Variants in FGGY observed in about 807,000 individuals in gnomAD.
FGGY encodes the protein FGGY carbohydrate kinase domain containing, also known as FGGY carbohydrate kinase domain-containing protein.
FGGY carries 72 observed loss-of-function variants against 71.3 expected under a neutral mutation model. That is an observed-to-expected ratio of 1.01 (90% CI 0.84 to 1.23). The LOEUF (loss-of-function observed/expected upper bound fraction) is 1.23. Among genes scored for constraint, FGGY ranks in the 50% most tolerant of loss-of-function variants. FGGY has a pLI of 0.00. For missense variants in FGGY, 668 were observed against 682.3 expected, an observed-to-expected ratio of 0.98 and a Z score of 0.23; for synonymous variants, 251 against 250.3, an observed-to-expected ratio of 1.00 and a Z score of -0.02.
At chr1:59,535,093 C>G (rs1351451703) in intron 7 of FGGY, among the ~76,000 whole-genome samples, 5 of 152,148 alleles carry the variant, frequency 3.3e-5, no homozygotes. Context: ...ACCCATCTCA[C>G]CTGCAGAGAC....
chr1:59,710,545 C>G (rs1384826588), intron 14 of FGGY, among the ~76,000 whole-genome samples: 1 of 152,080 alleles, frequency 6.6e-6, no homozygotes, highest in Non-Finnish European at 1.5e-5. Flanking sequence ...TGCAATCTAT[C>G]CATCTGAAAA....
At chr1:59,697,521 T>G in intron 14 of FGGY, 1 of 457,718 alleles carries the variant, frequency 2.2e-6, no homozygotes, top group South Asian at 1.7e-5. Context: ...GTAGCACGTA[T>G]CAGAATTTCC....
chr1:59,362,864 C>A lies in FGGY; in HGVS notation c.466-15885C>A, dbSNP rs1571006562. On this transcript the variant is annotated intron_variant, in intron 4 of 15. Coordinates refer to ENST00000303721, the MANE Select transcript of FGGY (RefSeq NM_018291.5). ...CTAACCTGAGGATAGGAAGTATATTCCTGCCTTTCATCTTCTATGAGCATA... is the reference window on the plus strand; with the variant it reads ...CTAACCTGAGGATAGGAAGTATATTACTGCCTTTCATCTTCTATGAGCATA... Among the ~76,000 whole-genome samples, 4 of 152,310 alleles carry A rather than the reference C, an allele frequency of 2.6e-5. 1 individual carries two copies. The South Asian group carries it at 8.3e-4, about 32-fold the overall frequency.
At chr1:59,627,026 T>A in intron 10 of FGGY, among the ~76,000 whole-genome samples, 1 of 152,086 alleles carries the variant, frequency 6.6e-6, no homozygotes, top group African/African-American at 2.4e-5. Context: ...CTTAGAATTA[T>A]TGTCATGCCT....
At chr1:59,489,084 A>T (rs1036930007) in intron 6 of FGGY, among the ~76,000 whole-genome samples, 9 of 152,112 alleles carry the variant, frequency 5.9e-5, no homozygotes, top group African/African-American at 2.2e-4. Context: ...GGTTATTTTT[A>T]AAAAATAATT....
chr1:59,621,018 T>C (rs2096801262), intron 9 of FGGY, among the ~76,000 whole-genome samples: 1 of 152,134 alleles, frequency 6.6e-6, no homozygotes, highest in African/African-American at 2.4e-5. Flanking sequence ...ATCAAGGTGC[T>C]GGCAAATGCA....
intron 8 of FGGY, among the ~76,000 whole-genome samples, chr1:59,568,797 T>C (rs2095926482): frequency 6.6e-6 from 1 of 152,106 alleles, no homozygotes; most frequent in Non-Finnish European, 1.5e-5. Context: ...CCTTGAGTAG[T>C]TGGGGAAAAA....
chr1:59,340,884 G>A (rs1349560131), intron 3 of FGGY, among the ~76,000 whole-genome samples: 1 of 152,170 alleles, frequency 6.6e-6, no homozygotes, highest in East Asian at 1.9e-4. Flanking sequence ...GATGACATTA[G>A]GGAGCAGTGG....
At chr1:59,587,556 C>T (rs1328548215) in intron 8 of FGGY, among the ~76,000 whole-genome samples, 1 of 152,168 alleles carries the variant, frequency 6.6e-6, no homozygotes, top group African/African-American at 2.4e-5. Flanking sequence ...CCAGTAGGGG[C>T]AGACTGACAC....
At chr1:59,666,654 C>A (rs1572889823) in intron 12 of FGGY, among the ~76,000 whole-genome samples, 1 of 152,150 alleles carries the variant, frequency 6.6e-6, no homozygotes, top group Non-Finnish European at 1.5e-5. Flanking sequence ...ATGGTGAAGC[C>A]CTGAAACAAC....
At chr1:59,578,603 C>T (rs1327865306) in intron 8 of FGGY, among the ~76,000 whole-genome samples, 1 of 152,052 alleles carries the variant, frequency 6.6e-6, no homozygotes, top group African/African-American at 2.4e-5. Flanking sequence ...ATATTTACTG[C>T]TAGAAGCTGG....
intron 8 of FGGY, among the ~76,000 whole-genome samples, chr1:59,589,099 C>A (rs972360619): frequency 2.6e-5 from 4 of 152,044 alleles, no homozygotes; most frequent in African/African-American, 9.7e-5. Flanking sequence ...AGGAAGATCT[C>A]CCATGCAAAT....
At chr1:59,543,605 C>T (rs796119958) in intron 7 of FGGY, among the ~76,000 whole-genome samples, 56 of 152,200 alleles carry the variant, frequency 3.7e-4, no homozygotes, top group African/African-American at 1.3e-3. Flanking sequence ...CTGTTGCAAC[C>T]GAAACTCTTA....
intron 8 of FGGY, among the ~76,000 whole-genome samples, chr1:59,597,437 T>G (rs2096534852): frequency 6.6e-6 from 1 of 152,180 alleles, no homozygotes; most frequent in African/African-American, 2.4e-5. Flanking sequence ...TCTTTCTCCC[T>G]CTTCTCTAGA....
chr1:59,356,934 C>T (rs2054433592), intron 4 of FGGY, among the ~76,000 whole-genome samples: 1 of 152,154 alleles, frequency 6.6e-6, no homozygotes, highest in South Asian at 2.1e-4. Context: ...TTAAGTTGCT[C>T]CCTTCACCCC....
intron 8 of FGGY, among the ~76,000 whole-genome samples, chr1:59,580,835 T>G (rs2153749388): frequency 6.6e-6 from 1 of 152,288 alleles, no homozygotes; most frequent in African/African-American, 2.4e-5. Context: ...TCTTCAAACA[T>G]CTTTCACTTA....
At chr1:59,355,761 C>T (rs911052659) in intron 4 of FGGY, among the ~76,000 whole-genome samples, 1 of 151,954 alleles carries the variant, frequency 6.6e-6, no homozygotes, top group African/African-American at 2.4e-5. Context: ...AGATTCTCAC[C>T]TAGTCCAGTC....
intron 4 of FGGY, among the ~76,000 whole-genome samples, chr1:59,368,173 G>A (rs1441807089): frequency 3.3e-5 from 5 of 152,144 alleles, no homozygotes; most frequent in Admixed American, 2.6e-4. Flanking sequence ...TGTGTGTCGA[G>A]GGCCTGCTCC....
intron 7 of FGGY, among the ~76,000 whole-genome samples, chr1:59,551,810 T>C (rs747965125): frequency 1.3e-5 from 2 of 152,134 alleles, no homozygotes; most frequent in African/African-American, 2.4e-5. Context: ...AAGAATAAAA[T>C]GAGACATGTA....
Sources: allele counts gnomAD v4.1 joint callset (sites outside exome capture counted in the v4.1 genomes callset), GRCh38; gene constraint gnomAD v4.1.1; transcripts MANE v1.5; gene names NCBI Gene and HGNC (gene_info 2026-07-23, HGNC 2026-07-21).